Variants in PPP3CC observed in about 807,000 individuals in gnomAD.
PPP3CC encodes the protein serine/threonine-protein phosphatase 2B catalytic subunit gamma isoform.
PPP3CC carries 35 observed loss-of-function variants against 60.3 expected under a neutral mutation model. That is an observed-to-expected ratio of 0.58 (90% CI 0.44 to 0.77). The LOEUF is 0.77. Ranked by LOEUF, PPP3CC falls within the 30% of genes least tolerant of loss-of-function variation. The probability of loss-of-function intolerance (pLI) is 0.00; values close to 1 mark genes in which losing one functional copy is unlikely to be tolerated. For synonymous variants in PPP3CC, 206 were observed against 224.3 expected (o/e 0.92, Z 0.73); for missense variants, 570 against 628.9 (o/e 0.91, Z 1.00).
intron 1 of PPP3CC, 67 bp from the exon 2 acceptor site, chr8:22,474,887 A>C (rs149167807): frequency 9.2e-7 from 1 of 1,082,352 alleles, no homozygotes. Context: ...GTCATGTAAA[A>C]GAATTGTGTT....
At chr8:22,499,629 G>A (rs573237680) in intron 4 of PPP3CC, among the ~76,000 whole-genome samples, 10 of 152,316 alleles carry the variant, frequency 6.6e-5, no homozygotes, top group Admixed American at 5.2e-4. Context: ...CTAGCATCTA[G>A]TACTCATAAT....
At chr8:22,464,140 C>T (rs1287908970) in intron 1 of PPP3CC, among the ~76,000 whole-genome samples, 1 of 152,124 alleles carries the variant, frequency 6.6e-6, no homozygotes, top group Non-Finnish European at 1.5e-5. Flanking sequence ...GAAGGCTTAA[C>T]TTTCCTTATG....
rs1231596715 is a variant in PPP3CC, at chr8:22,540,805, T to TA, written c.*4dup. The TA allele has an allele frequency of 6.2e-7, 1 of 1,604,274 alleles. No homozygotes were observed. The highest frequency in any genetic ancestry group is 1.7e-4 in the Middle Eastern group (1 of 6,034). On this transcript the variant is annotated 3_prime_UTR_variant, in exon 14 of 14. Coordinates refer to ENST00000240139, the MANE Select transcript of PPP3CC (RefSeq NM_005605.5). ...AAGGGAAGAAAGCCCATTCATGACT[T>TA]AGAGTCCTGCCGTGGCTCAGGTGGA...
chr8:22,534,049 A>G (rs1839787610), intron 12 of PPP3CC, among the ~76,000 whole-genome samples: 1 of 151,718 alleles, frequency 6.6e-6, no homozygotes, highest in Non-Finnish European at 1.5e-5. Context: ...AAATACAAAA[A>G]TTAGCTGAGC....
At chr8:22,450,960 G>C (rs1837001885) in intron 1 of PPP3CC, among the ~76,000 whole-genome samples, 1 of 148,532 alleles carries the variant, frequency 6.7e-6, no homozygotes, top group Admixed American at 6.7e-5. Context: ...TCAGCCTCCT[G>C]AGTAGCTGGG....
chr8:22,489,728 T>A (rs1235240699), intron 3 of PPP3CC, among the ~76,000 whole-genome samples: 84 of 73,086 alleles, frequency 1.1e-3, no homozygotes, highest in Admixed American at 2.2e-3. Flanking sequence ...TATTATATAT[T>A]ATATATATAA....
At chr8:22,489,974 A>G (rs1351928950) in intron 3 of PPP3CC, among the ~76,000 whole-genome samples, 2 of 151,074 alleles carry the variant, frequency 1.3e-5, no homozygotes, top group Middle Eastern at 3.4e-3. Context: ...GGCGCATGCT[A>G]CCACGCCCAG....
intron 8 of PPP3CC, 190 bp downstream of exon 8, chr8:22,522,939 G>T: frequency 2.0e-6 from 1 of 502,000 alleles, no homozygotes; most frequent in Admixed American, 3.7e-5. Context: ...ATCTCCTAAG[G>T]ATTACTGGCT....
At chr8:22,533,040 C>CA in intron 12 of PPP3CC, 22 bp downstream of exon 12, 1 of 1,516,674 alleles carries the variant, frequency 6.6e-7, no homozygotes, top group Non-Finnish European at 9.0e-7. Context: ...AGTGCTCCTC[C>CA]ATGGAAGGTG....
intron 1 of PPP3CC, among the ~76,000 whole-genome samples, chr8:22,465,674 ACTT>A (rs926415404): frequency 2.0e-5 from 3 of 152,106 alleles, no homozygotes; most frequent in Non-Finnish European, 1.5e-5. Context: ...TCAATCTTGA[ACTT>A]CTTAGCCTCC....
chr8:22,474,358 G>A (rs1361325309), intron 1 of PPP3CC, among the ~76,000 whole-genome samples: 1 of 151,932 alleles, frequency 6.6e-6, no homozygotes, highest in Non-Finnish European at 1.5e-5. Context: ...CTAGTGTCTT[G>A]TCTCATTTAT....
chr8:22,490,816 G>A (rs1326147415), intron 3 of PPP3CC, among the ~76,000 whole-genome samples: 2 of 152,058 alleles, frequency 1.3e-5, no homozygotes, highest in African/African-American at 4.8e-5. Context: ...GTATTCCATG[G>A]TGTATATGTG....
chr8:22,445,745 A>G (rs1836801317), intron 1 of PPP3CC, among the ~76,000 whole-genome samples: 2 of 152,236 alleles, frequency 1.3e-5, no homozygotes, highest in Admixed American at 1.3e-4. Context: ...ATTTTCAAGT[A>G]TAAATTTTCA....
intron 10 of PPP3CC, among the ~76,000 whole-genome samples, 176 bp downstream of exon 10, chr8:22,528,753 A>C (rs1026045460): frequency 2.6e-5 from 4 of 152,224 alleles, no homozygotes; most frequent in Non-Finnish European, 4.4e-5. Flanking sequence ...GTCACCCATA[A>C]TCCCATCATC....
intron 6 of PPP3CC, among the ~76,000 whole-genome samples, chr8:22,520,644 A>G (rs1839381464): frequency 6.6e-6 from 1 of 152,124 alleles, no homozygotes; most frequent in African/African-American, 2.4e-5. Flanking sequence ...CTTCAGCTCC[A>G]GGATTTCTAT....
At chr8:22,444,464 G>T (rs753247131) in intron 1 of PPP3CC, among the ~76,000 whole-genome samples, 1 of 152,166 alleles carries the variant, frequency 6.6e-6, no homozygotes, top group Non-Finnish European at 1.5e-5. Flanking sequence ...CAGAAAGTAT[G>T]TGAAATTATA....
At chr8:22,444,247 A>G (rs1328647876) in intron 1 of PPP3CC, among the ~76,000 whole-genome samples, 1 of 139,502 alleles carries the variant, frequency 7.2e-6, no homozygotes, top group African/African-American at 2.8e-5. Flanking sequence ...CAAGAGTGAA[A>G]CTCAGTCTCA....
chr8:22,527,592 A>T (rs138382976), intron 9 of PPP3CC, 75 bp downstream of exon 9: 1 of 1,491,014 alleles, frequency 6.7e-7, no homozygotes, highest in Non-Finnish European at 9.1e-7. Flanking sequence ...GAGCCCCTCC[A>T]TGATTCAGAA....
intron 11 of PPP3CC, 142 bp from the exon 12 acceptor site, chr8:22,532,779 C>G (rs889450971): frequency 1.1e-5 from 6 of 544,462 alleles, no homozygotes. Flanking sequence ...GAAAACATCC[C>G]TTTCTTTGAG....
Sources: gnomAD v4.1 joint callset for allele counts (sites outside exome capture counted in the v4.1 genomes callset) on GRCh38, gnomAD v4.1.1 for gene constraint, MANE v1.5 for transcripts, NCBI Gene and HGNC (gene_info 2026-07-23, HGNC 2026-07-21) for gene names.